REPS1: variants seen among roughly 807,000 people sequenced by gnomAD.
REPS1 encodes RALBP1 associated Eps domain containing 1.
REPS1 carries 39 observed loss-of-function variants against 100.9 expected under a neutral mutation model. The observed-to-expected ratio is 0.39, with a 90% CI of 0.30 to 0.50. The LOEUF is 0.50. REPS1 is among the 20% of genes least tolerant of loss of function. The pLI, the probability that REPS1 is intolerant of heterozygous loss-of-function variation, is 0.86. For synonymous variants in REPS1, 324 were observed against 340.3 expected (o/e 0.95, Z 0.53); for missense variants, 821 against 968.5 (o/e 0.85, Z 2.02).
intron 1 of REPS1, among the ~76,000 whole-genome samples, chr6:138,986,362 G>C (rs921029394): frequency 1.7e-4 from 26 of 152,228 alleles, no homozygotes; most frequent in Non-Finnish European, 7.3e-5. Context: ...CATAGTTAAT[G>C]CAGACTTAAC....
chr6:138,934,582 T>G (rs962078842), intron 8 of REPS1, among the ~76,000 whole-genome samples: 1 of 152,242 alleles, frequency 6.6e-6, no homozygotes, highest in African/African-American at 2.4e-5. Context: ...AACCTCTTTC[T>G]CAGAGCTTTG....
intron 15 of REPS1, 50 bp downstream of exon 15, chr6:138,914,647 C>A: frequency 7.2e-7 from 1 of 1,396,660 alleles, no homozygotes. Context: ...AAATACCTAG[C>A]AGGCAAAGTG....
intron 1 of REPS1, among the ~76,000 whole-genome samples, chr6:138,965,919 T>G (rs1783992938): frequency 6.6e-6 from 1 of 152,122 alleles, no homozygotes; most frequent in African/African-American, 2.4e-5. Flanking sequence ...ATAATAAAAG[T>G]TTACAATAAA....
At chr6:138,971,037 G>C in intron 1 of REPS1, among the ~76,000 whole-genome samples, 1 of 152,150 alleles carries the variant, frequency 6.6e-6, no homozygotes, top group East Asian at 1.9e-4. Context: ...CATTTGTTAA[G>C]TGCTAGTGAG....
At position 138,926,656 on chromosome 6, in the gene REPS1, TTGTAA is replaced by T. The variant is rs762946858; in HGVS notation, c.1258-180_1258-176del. 1.3e-3 allele frequency: 751 copies of T among 564,344 alleles called. 5 individuals are homozygous for T. In the African/African-American group the frequency reaches 0.013, roughly 10 times the overall value. 35.0% of individuals were successfully genotyped at this position (564,344 alleles called of 1,614,324 possible). On this transcript the variant is annotated intron_variant, in intron 9 of 19. Transcript: ENST00000450536. ...ACATTTTATATTTATTCTGGGTCAC[TTGTAA>T]TGTAAGGTGAGGAGTTCACAATCAA...
At chr6:138,930,249 T>C (rs1781406879) in intron 8 of REPS1, 151 bp from the exon 9 acceptor site, 1 of 612,318 alleles carries the variant, frequency 1.6e-6, no homozygotes, top group African/African-American at 1.8e-5. Flanking sequence ...AGAGTAAGCA[T>C]TTTAACAGAC....
Position 138,958,639 on chromosome 6 carries a change from T to C in REPS1, c.154-10726A>G, listed in dbSNP as rs139106523. 9.2e-5 allele frequency among the ~76,000 whole-genome samples: 14 copies of C among 152,316 alleles called. No homozygotes were observed. In the East Asian group the frequency reaches 1.7e-3, roughly 19 times the overall value. On this transcript the variant is annotated intron_variant, in intron 1 of 19. Coordinates refer to ENST00000450536, the MANE Select transcript of REPS1 (RefSeq NM_001286611.2). The stretch of plus-strand genomic sequence containing the variant: ...CAAATTTTGTAAACATATTAGTACA[T>C]TGTAGTATACTGCAATTATGTATTC...
chr6:138,987,315 C>T (rs1178624576), intron 1 of REPS1, among the ~76,000 whole-genome samples: 1 of 152,182 alleles, frequency 6.6e-6, no homozygotes. Flanking sequence ...CTTCAGACCC[C>T]CACCACAGGA....
chr6:138,947,677 T>C, intron 2 of REPS1, 113 bp downstream of exon 2: 1 of 959,834 alleles, frequency 1.0e-6, no homozygotes. Flanking sequence ...GACACTTCAC[T>C]CAAGGTCACA....
intron 10 of REPS1, among the ~76,000 whole-genome samples, chr6:138,924,421 A>T (rs947023960): frequency 9.2e-5 from 14 of 152,214 alleles, no homozygotes; most frequent in Admixed American, 6.5e-5. Context: ...AATGTCAATA[A>T]TATCACTGCT....
At chr6:138,913,038 A>G in intron 15 of REPS1, 88 bp from the exon 16 acceptor site, 1 of 1,030,886 alleles carries the variant, frequency 9.7e-7, no homozygotes, top group Non-Finnish European at 1.4e-6. Flanking sequence ...AAAACTTAGT[A>G]TATAAAGATG....
At chr6:138,914,623 T>C in intron 15 of REPS1, 74 bp downstream of exon 15, 1 of 1,198,520 alleles carries the variant, frequency 8.3e-7, no homozygotes, top group African/African-American at 1.5e-5. Context: ...TCCAAATAAT[T>C]TGAGAATAGA....
rs1430952284 is a variant in REPS1 at position 138,903,886 on chromosome 6, T to G, written c.*1178A>C. The G allele has an allele frequency of 6.6e-6, 1 of 152,200 alleles. No individual in the cohort carries two copies. The highest frequency in any genetic ancestry group is 2.4e-5 in the African/African-American group (1 of 41,476). The allele number at this position is 152,200 out of a possible 1,614,324, so 9.4% of individuals were successfully genotyped here. On this transcript the variant is annotated 3_prime_UTR_variant, in exon 20 of 20. Coordinates refer to ENST00000450536, the MANE Select transcript of REPS1 (RefSeq NM_001286611.2). ...TTGTTCTTCAAATTCTTGTTTACAG[T>G]AACAAAGTCTATCGGTGCAGTTTAG...
intron 1 of REPS1, among the ~76,000 whole-genome samples, chr6:138,984,222 T>C (rs529590886): frequency 1.3e-5 from 2 of 152,204 alleles, no homozygotes; most frequent in South Asian, 2.1e-4. Context: ...TAGCTGGGAT[T>C]ACAGGCATGC....
chr6:138,931,208 A>G (rs1157237849), intron 8 of REPS1, among the ~76,000 whole-genome samples: 2 of 152,222 alleles, frequency 1.3e-5, no homozygotes, highest in African/African-American at 4.8e-5. Flanking sequence ...AGATTTCTAA[A>G]TAGACATCCA....
chr6:138,905,192 A>C, intron 19 of REPS1, 60 bp from the exon 20 acceptor site: 2 of 1,031,860 alleles, frequency 1.9e-6, no homozygotes, highest in Non-Finnish European at 3.0e-6. Flanking sequence ...AGAAATATCT[A>C]ACAACAGCTC....
intron 1 of REPS1, among the ~76,000 whole-genome samples, chr6:138,984,846 A>C (rs971129887): frequency 2.0e-5 from 3 of 152,170 alleles, no homozygotes; most frequent in African/African-American, 7.2e-5. Flanking sequence ...TCTGGCCTCA[A>C]TTAAACATTA....
intron 17 of REPS1, among the ~76,000 whole-genome samples, chr6:138,909,576 C>T (rs1316974796): frequency 6.6e-6 from 1 of 152,108 alleles, no homozygotes. Context: ...TTGTAATCCC[C>T]ATGTGTCAAG....
At chr6:138,974,397 T>A (rs1482357910) in intron 1 of REPS1, among the ~76,000 whole-genome samples, 1 of 152,218 alleles carries the variant, frequency 6.6e-6, no homozygotes, top group Non-Finnish European at 1.5e-5. Context: ...GAGATGCTGA[T>A]GTGAAGAGGT....
Sources: gnomAD v4.1 joint callset for allele counts (sites outside exome capture counted in the v4.1 genomes callset) on GRCh38, gnomAD v4.1.1 for gene constraint, MANE v1.5 for transcripts, NCBI Gene and HGNC (gene_info 2026-07-23, HGNC 2026-07-21) for gene names.